Variants in SGSM3 observed in about 807,000 individuals in gnomAD.
SGSM3 encodes small G protein signaling modulator 3.
A neutral mutation model predicts 100.5 loss-of-function variants in SGSM3; 96 were observed. That is an observed-to-expected ratio of 0.96 (90% confidence interval 0.81 to 1.13). SGSM3 has a LOEUF of 1.13. Among genes scored for constraint, SGSM3 ranks in the 50% most tolerant of loss-of-function variants. The pLI, the probability that SGSM3 is intolerant of heterozygous loss-of-function variation, is 0.00. For missense variants in SGSM3, 1,001 were observed against 1,015.8 expected (o/e 0.99, Z 0.20); for synonymous variants, 483 against 422.8 (o/e 1.14, Z -1.75).
rs554525289 is a variant in SGSM3 at position 40,378,995 on chromosome 22, A to G, written c.-112+8307A>G. On this transcript the variant is annotated intron_variant, in intron 1 of 21. Coordinates refer to ENST00000248929, the MANE Select transcript of SGSM3 (RefSeq NM_015705.6). The stretch of plus-strand genomic sequence containing the variant: ...CCTCACCTTCTTCAGGTGTTTGCTC[A>G]GATTTTTCTTACTGAGCCTTCCCTG... Among the ~76,000 whole-genome samples, 54 of 152,256 alleles carry G rather than the reference A, an allele frequency of 3.5e-4. 1 individual carries two copies. In the South Asian group the frequency reaches 0.011, roughly 31 times the overall value.
intron 1 of SGSM3, among the ~76,000 whole-genome samples, chr22:40,400,312 G>C (rs2050581602): frequency 6.6e-6 from 1 of 152,180 alleles, no homozygotes; most frequent in Non-Finnish European, 1.5e-5. Flanking sequence ...TCCTTTCGTA[G>C]AGTGAGAGCC....
rs117396143 is a variant in SGSM3 at position 40,405,479 on chromosome 22, A to G, written c.619-170A>G. Among the ~76,000 whole-genome samples, 37 of 152,230 alleles carry G rather than the reference A, an allele frequency of 2.4e-4. 1 individual carries two copies. The East Asian group carries it at 5.4e-3, about 22-fold the overall frequency. Reference sequence around the variant, plus strand: ...GTTATGCAAGCAGAGGCGCTCCCCAAGGGATGTGAAAGTGAGGCAGGCCAA... The same window carrying G: ...GTTATGCAAGCAGAGGCGCTCCCCAGGGGATGTGAAAGTGAGGCAGGCCAA... On this transcript the variant is annotated intron_variant, in intron 7 of 21. Transcript: ENST00000248929.
chr22:40,408,171 C>G (rs1333220489), intron 15 of SGSM3, 51 bp downstream of exon 15: 1 of 1,607,886 alleles, frequency 6.2e-7, no homozygotes, highest in Non-Finnish European at 8.5e-7. Context: ...TAGCCAGGGC[C>G]TGCGTGCCTA....
chr22:40,384,904 G>C (rs2146835801), intron 1 of SGSM3, among the ~76,000 whole-genome samples: 1 of 152,342 alleles, frequency 6.6e-6, no homozygotes, highest in Non-Finnish European at 1.5e-5. Flanking sequence ...TTATATGACA[G>C]TAATAGCTAA....
intron 1 of SGSM3, among the ~76,000 whole-genome samples, chr22:40,380,126 G>C (rs2146791527): frequency 6.6e-6 from 1 of 152,256 alleles, no homozygotes; most frequent in East Asian, 1.9e-4. Context: ...ACCTAGTCCT[G>C]AGAGGCAGTA....
At chr22:40,387,704 C>G (rs2048702258) in intron 1 of SGSM3, among the ~76,000 whole-genome samples, 1 of 152,160 alleles carries the variant, frequency 6.6e-6, no homozygotes, top group Non-Finnish European at 1.5e-5. Flanking sequence ...GTGGGAATGA[C>G]AGAAGGTCCA....
chr22:40,396,614 AAAG>A (rs1407369180), intron 1 of SGSM3, among the ~76,000 whole-genome samples: 95 of 151,548 alleles, frequency 6.3e-4, no homozygotes, highest in Admixed American at 1.1e-3. Flanking sequence ...AAAAAAAAAA[AAAG>A]AAGTATTTTT....
At position 40,406,674 on chromosome 22, in the gene SGSM3, T is replaced by G. The variant is rs778892230; in HGVS notation, c.1185+12T>G. On this transcript the variant is annotated intron_variant, in intron 10 of 21. Coordinates refer to ENST00000248929, the MANE Select transcript of SGSM3 (RefSeq NM_015705.6). ...CCAACCTCTCTCAGGTGGCCCAGGA[T>G]GGGGGGCCGCACCTTGACCCACAGC... is the stretch of plus-strand genomic sequence containing the variant. The G allele has an allele frequency of 6.2e-7, 1 of 1,600,844 alleles. No homozygotes were observed. The highest frequency in any genetic ancestry group is 1.3e-5 in the African/African-American group (1 of 74,698).
At position 40,402,331 on chromosome 22, in the gene SGSM3, C is replaced by T. The variant is rs1487069933; in HGVS notation, c.157+126C>T. ...TGCGTCAGGGTTCCAGATTTAAGGA[C>T]AGAGTGTATCTGAGGGTGATACTCT... On this transcript the variant is annotated intron_variant, in intron 4 of 21. Transcript: ENST00000248929. 6 of 749,464 alleles carry T rather than the reference C, an allele frequency of 8.0e-6. No individual in the cohort carries two copies. In the East Asian group the frequency reaches 1.5e-4, roughly 19 times the overall value. The allele number at this position is 749,464 out of a possible 1,614,324, so 46.4% of individuals were successfully genotyped here.
chr22:40,407,367 C>CCTAA lies in SGSM3; in HGVS notation c.1368+42_1369-40dup. ...TCCCTGGGCTGCTACCAAACACGGC[C>CCTAA]CTAACTCCTCCAACCCCCTTGGTGG... On this transcript the variant is annotated intron_variant, in intron 12 of 21. Transcript: ENST00000248929. This position sits in a 1 kb window ranked among gnomAD's most constrained non-coding sequence, Gnocchi z 4.7. The CCTAA allele has an allele frequency of 1.2e-6, 2 of 1,612,616 alleles. No homozygotes were observed. The highest frequency in any genetic ancestry group is 8.5e-7 in the Non-Finnish European group (1 of 1,179,330).
rs2048780070 is a variant in SGSM3 at position 40,388,203 on chromosome 22, A to G, written c.-111-12493A>G. 2.6e-5 allele frequency: 4 copies of G among 152,194 alleles called. No individual in the cohort carries two copies. In the South Asian group the frequency reaches 8.3e-4, roughly 31 times the overall value. The allele number at this position is 152,194 out of a possible 1,614,324, so 9.4% of individuals were successfully genotyped here. The stretch of plus-strand genomic sequence containing the variant: ...GCAGCTGAGAAATTTGTATGATACT[A>G]TGGATGTTCACCTCAGATGTCCTTG... On this transcript the variant is annotated intron_variant, in intron 1 of 21. Transcript: ENST00000248929.
intron 1 of SGSM3, among the ~76,000 whole-genome samples, chr22:40,397,735 T>A (rs2050221648): frequency 6.6e-6 from 1 of 152,174 alleles, no homozygotes; most frequent in Non-Finnish European, 1.5e-5. Context: ...ATGCCCAGTG[T>A]GCTCCCAACT....
At chr22:40,396,236 T>C (rs918549446) in intron 1 of SGSM3, among the ~76,000 whole-genome samples, 2 of 152,126 alleles carry the variant, frequency 1.3e-5, no homozygotes, top group Non-Finnish European at 2.9e-5. Context: ...TAGCTTCAAG[T>C]GTCCTCTTCC....
At chr22:40,375,737 A>T (rs1361211514) in intron 1 of SGSM3, among the ~76,000 whole-genome samples, 1 of 151,662 alleles carries the variant, frequency 6.6e-6, no homozygotes, top group Non-Finnish European at 1.5e-5. Flanking sequence ...ATTAGCCTGC[A>T]AGCTAACACT....
In SGSM3 at chr22:40,408,705, G is replaced by A. The variant is rs1439581195; in HGVS notation, c.1853+8G>A. 4.3e-6 allele frequency: 7 copies of A among 1,613,992 alleles called. No homozygotes were observed. The highest frequency in any genetic ancestry group is 1.3e-5 in the African/African-American group (1 of 75,046). Reference sequence around the variant, plus strand: ...GCTCTGTAAGACCTTCAGGTAACTCGGCCCGGGTTCTTCTGGTGGGGTCAC... The same window carrying A: ...GCTCTGTAAGACCTTCAGGTAACTCAGCCCGGGTTCTTCTGGTGGGGTCAC... On this transcript the variant is annotated splice_region_variant and intron_variant, in intron 17 of 21. Coordinates refer to ENST00000248929, the MANE Select transcript of SGSM3 (RefSeq NM_015705.6).
intron 3 of SGSM3, 25 bp downstream of exon 3, chr22:40,401,700 C>G (rs768466256): frequency 1.3e-6 from 2 of 1,593,680 alleles, no homozygotes. Context: ...CAGGCACCAG[C>G]CTGCTGTGCT....
intron 1 of SGSM3, among the ~76,000 whole-genome samples, chr22:40,391,287 G>A (rs1009585203): frequency 2.6e-5 from 4 of 152,132 alleles, no homozygotes; most frequent in African/African-American, 7.2e-5. Flanking sequence ...AGCCCTCCAG[G>A]TGATTCTGAT....
rs748683681 is a variant in SGSM3, at chr22:40,400,814, G to A, written c.7+1G>A. On this transcript the variant is annotated splice_donor_variant, in intron 2 of 21. Transcript: ENST00000248929. LOFTEE classifies it high-confidence loss of function. ...TGCCAGCCCACCAGCACAATGTCAGGTAGAGGCAGGGGCTGGACTTGGAAA... is the reference window on the plus strand; with the variant it reads ...TGCCAGCCCACCAGCACAATGTCAGATAGAGGCAGGGGCTGGACTTGGAAA... 1.9e-6 allele frequency: 3 copies of A among 1,544,640 alleles called. No homozygotes were observed.
At chr22:40,403,661 A>AGGAAGCAGCTGAGGGAG (rs2051045377) in intron 4 of SGSM3, among the ~76,000 whole-genome samples, 1 of 152,224 alleles carries the variant, frequency 6.6e-6, no homozygotes, top group Non-Finnish European at 1.5e-5. Context: ...CACGGCCCAG[A>AGGAAGCAGCTGAGGGAG]GGAAGCAGCT....
Sources: allele counts gnomAD v4.1 joint callset (sites outside exome capture counted in the v4.1 genomes callset), GRCh38; gene constraint gnomAD v4.1.1; non-coding constraint Gnocchi (gnomAD v3.1); transcripts MANE v1.5; gene names NCBI Gene and HGNC (gene_info 2026-07-23, HGNC 2026-07-21).